The following PRPH2 variants were observed in gnomAD, a reference collection of about 807,000 sequenced individuals.
The protein encoded by PRPH2 is peripherin-2.
Under a neutral mutation model 31.3 loss-of-function variants are expected in PRPH2, and 17 were observed. The ratio of observed to expected loss-of-function variants is 0.54; its 90% CI spans 0.37 to 0.81. The LOEUF (loss-of-function observed/expected upper bound fraction) is 0.81, where lower values mean the gene tolerates loss of function less well. Ranked by LOEUF, PRPH2 falls within the 40% of genes least tolerant of loss-of-function variation. The probability of loss-of-function intolerance (pLI) is 0.00; values close to 1 mark genes in which losing one functional copy is unlikely to be tolerated. For synonymous variants in PRPH2, 165 were observed against 184.4 expected, an observed-to-expected ratio of 0.89 and a Z score of 0.85; for missense variants, 430 against 439.7, an observed-to-expected ratio of 0.98 and a Z score of 0.20.
intron 1 of PRPH2, among the ~76,000 whole-genome samples, chr6:42,713,852 G>A (rs1271352490): frequency 2.1e-5 from 3 of 143,948 alleles, no homozygotes; most frequent in African/African-American, 5.2e-5. Context: ...CCCGGGAGGC[G>A]AAGGTTGCAG....
rs544114215 is a variant in PRPH2 at position 42,701,156 on chromosome 6, T to A, written c.829-2649A>T. ...CACAAAGCTAATTTTTATGTTTTTGTTTTTGTTGCTCAAGCTGGAGTGCAA... is the reference window on the plus strand; with the variant it reads ...CACAAAGCTAATTTTTATGTTTTTGATTTTGTTGCTCAAGCTGGAGTGCAA... On this transcript the variant is annotated intron_variant, in intron 2 of 2. Transcript: ENST00000230381. Among the ~76,000 whole-genome samples the A allele has an allele frequency of 9.2e-5, 14 of 151,868 alleles. No homozygotes were observed. In the South Asian group the frequency reaches 1.3e-3, roughly 14 times the overall value.
chr6:42,719,959 A>G (rs1297574163), intron 1 of PRPH2, among the ~76,000 whole-genome samples: 3 of 152,242 alleles, frequency 2.0e-5, no homozygotes. Context: ...AACTAAAGGC[A>G]TTAATCAAGT....
At chr6:42,699,962 C>CTTTTTTTT (rs70990126) in intron 2 of PRPH2, among the ~76,000 whole-genome samples, 1 of 137,882 alleles carries the variant, frequency 7.3e-6, no homozygotes, top group East Asian at 2.1e-4. Flanking sequence ...ATTGTTTTCA[C>CTTTTTTTT]TTTTTTTTTT....
intron 1 of PRPH2, among the ~76,000 whole-genome samples, chr6:42,717,695 G>A (rs1761814533): frequency 6.6e-6 from 1 of 152,126 alleles, no homozygotes; most frequent in African/African-American, 2.4e-5. Flanking sequence ...CTTGGAGGTG[G>A]GAGTAAATGC....
chr6:42,720,888 C>T (rs1462937929), intron 1 of PRPH2, among the ~76,000 whole-genome samples: 1 of 152,242 alleles, frequency 6.6e-6, no homozygotes, highest in Non-Finnish European at 1.5e-5. Context: ...GGAGCCAGTG[C>T]ACAGGCTGTT....
chr6:42,716,395 ATTTTTTTTTTTTAAGAAAAGAATTTTT>A (rs1182779056), intron 1 of PRPH2, among the ~76,000 whole-genome samples: 28 of 146,812 alleles, frequency 1.9e-4, no homozygotes, highest in Non-Finnish European at 4.1e-4. Context: ...CCCTATCTCT[ATTTTTTTTTTTTAAGAAAAGAATTTTT>A]TTTCTTTTTT....
At position 42,698,458 on chromosome 6, in the gene PRPH2, A is replaced by C. The variant is rs778093966; in HGVS notation, c.878T>G (p.Val293Gly). ...GCTCTCAGATTCCTCGGGGTTGGAC[A>C]CACCATCCAGCGACGTCTGTAGGTA... ...LRYLQTSLDG[V>G]SNPEESESES... is the part of the protein sequence containing the mutation. Residue 293 changes from valine (V) to glycine (G), a missense_variant, in exon 3 of 3, where the codon GTG (valine) becomes GGG (glycine). Coordinates refer to ENST00000230381, the MANE Select transcript of PRPH2 (RefSeq NM_000322.5). 6.2e-7 allele frequency: 1 copy of C among 1,614,048 alleles called. No individual in the cohort carries two copies. Among genetic ancestry groups the C allele is most frequent in the African/African-American group, 1.3e-5 (1 of 74,926 alleles).
chr6:42,705,268 T>C (rs1207324600), intron 1 of PRPH2, among the ~76,000 whole-genome samples: 1 of 152,140 alleles, frequency 6.6e-6, no homozygotes, highest in Non-Finnish European at 1.5e-5. Context: ...TGTGTATTTG[T>C]TTAGCGCTTA....
chr6:42,704,681 C>G (rs1348991401), intron 1 of PRPH2, 70 bp from the exon 2 acceptor site: 7 of 1,606,256 alleles, frequency 4.4e-6, no homozygotes, highest in Non-Finnish European at 6.0e-6. Context: ...CCTCCCAACC[C>G]CTGCCTCTGG....
intron 1 of PRPH2, among the ~76,000 whole-genome samples, chr6:42,707,818 G>A (rs1374922287): frequency 6.6e-6 from 1 of 152,250 alleles, no homozygotes; most frequent in East Asian, 1.9e-4. Context: ...TTCGTGGGCA[G>A]AACACACTGC....
Position 42,722,025 on chromosome 6 carries a change from T to C in PRPH2, c.310A>G (p.Ile104Val), listed in dbSNP as rs1244430723. 4 of 1,614,004 alleles carry C rather than the reference T, an allele frequency of 2.5e-6. No individual in the cohort carries two copies. The highest frequency in any genetic ancestry group is 1.1e-5 in the South Asian group (1 of 91,086). ...AGGATGATGTTGAAGAGAACACAGA[T>C]AGCCAGGTACGGCTTCAGCCAGGGC... Reference protein sequence around the residue: ...WKPWLKPYLAICVLFNIILFL... With the variant: ...WKPWLKPYLAVCVLFNIILFL... Residue 104 changes from isoleucine (I) to valine (V), a missense_variant, in exon 1 of 3, where the codon ATC becomes GTC. By Grantham distance (29) the Ile-to-Val change is conservative. Coordinates refer to ENST00000230381, the MANE Select transcript of PRPH2 (RefSeq NM_000322.5). The surrounding 1 kb of genome is among the most constrained non-coding windows in gnomAD (Gnocchi z 4.4).
intron 1 of PRPH2, among the ~76,000 whole-genome samples, chr6:42,714,039 C>T (rs1023046694): frequency 1.3e-5 from 2 of 151,216 alleles, no homozygotes. Context: ...ACTCAGTGAG[C>T]AAACATTCAT....
Position 42,721,931 on chromosome 6 carries a change from T to A in PRPH2, c.404A>T (p.Lys135Met). 6.2e-7 allele frequency: 1 copy of A among 1,614,198 alleles called. No homozygotes were observed. Among genetic ancestry groups the A allele is most frequent in the Non-Finnish European group, 8.5e-7 (1 of 1,180,024 alleles). The change falls in exon 1 of 3, where the codon AAG becomes ATG. Residue 135 changes from lysine (K) to methionine (M), a missense_variant. Physicochemically the swap from Lys to Met is moderately conservative, Grantham distance 95 (BLOSUM62 -1). Transcript: ENST00000230381. ...SLENTLGQGL[K>M]NGMKYYRDTD... ...GTCCCGGTAGTACTTCATGCCGTTCTTGAGCCCTTGGCCCAGGGTGTTCTC... is the reference window on the plus strand; with the variant it reads ...GTCCCGGTAGTACTTCATGCCGTTCATGAGCCCTTGGCCCAGGGTGTTCTC...
intron 1 of PRPH2, among the ~76,000 whole-genome samples, chr6:42,705,597 AAAATATATATAT>A (rs1489508075): frequency 1.1e-3 from 3 of 2,818 alleles, no homozygotes; most frequent in African/African-American, 2.3e-3. Context: ...AAAAAAAAAA[AAAATATATATAT>A]ATATATATAT....
intron 2 of PRPH2, 85 bp downstream of exon 2, chr6:42,704,280 C>T (rs1289186565): frequency 7.8e-6 from 12 of 1,535,436 alleles, no homozygotes; most frequent in Middle Eastern, 2.3e-4. Flanking sequence ...GAGGCATGCT[C>T]TCCAAGCCTG....
At chr6:42,716,560 G>T (rs1045933066) in intron 1 of PRPH2, among the ~76,000 whole-genome samples, 1 of 150,818 alleles carries the variant, frequency 6.6e-6, no homozygotes, top group Non-Finnish European at 1.5e-5. Context: ...GGGACCACAG[G>T]TGCATGCCAC....
intron 1 of PRPH2, among the ~76,000 whole-genome samples, chr6:42,708,163 C>G (rs1023400642): frequency 6.6e-6 from 1 of 152,182 alleles, no homozygotes; most frequent in Non-Finnish European, 1.5e-5. Context: ...GAGCCCACCA[C>G]GCCATATCAT....
intron 1 of PRPH2, among the ~76,000 whole-genome samples, chr6:42,715,233 A>AAAT (rs1233118632): frequency 2.6e-5 from 4 of 151,878 alleles, no homozygotes; most frequent in African/African-American, 7.3e-5. Flanking sequence ...ACAAACAAAA[A>AAAT]CTAAAAAAGA....
chr6:42,716,962 C>CTTTTTTTTTTTTTTTTTTT (rs1161769235), intron 1 of PRPH2, among the ~76,000 whole-genome samples: 11 of 45,186 alleles, frequency 2.4e-4, no homozygotes, highest in East Asian at 1.6e-3. Flanking sequence ...TCTTTCTTTT[C>CTTTTTTTTTTTTTTTTTTT]TTTTTTTTTT....
Sources: gnomAD v4.1 joint callset for allele counts (sites outside exome capture counted in the v4.1 genomes callset) on GRCh38, gnomAD v4.1.1 for gene constraint, Gnocchi (gnomAD v3.1) non-coding constraint, MANE v1.5 for transcripts, NCBI Gene and HGNC (gene_info 2026-07-23, HGNC 2026-07-21) for gene names.